GRK3: variants seen among roughly 807,000 people sequenced by gnomAD.
The protein encoded by GRK3 is adrenergic, beta, receptor kinase 2.
In GRK3, 54 loss-of-function variants were observed where a neutral mutation model predicts 95.7. The ratio of observed to expected loss-of-function variants is 0.56; its 90% confidence interval spans 0.45 to 0.71. The LOEUF is 0.71. Ranked by LOEUF, GRK3 falls within the 30% of genes least tolerant of loss-of-function variation. GRK3 has a pLI of 0.00. For missense variants in GRK3, 649 were observed against 851.2 expected (o/e 0.76, Z 2.96); for synonymous variants, 281 against 290.8 (o/e 0.97, Z 0.34).
chr22:25,576,478 T>C (rs1379974507), intron 1 of GRK3, among the ~76,000 whole-genome samples: 4 of 152,228 alleles, frequency 2.6e-5, no homozygotes, highest in Non-Finnish European at 4.4e-5. Context: ...CCTTTGCCAT[T>C]TCTTGGCCAT....
intron 1 of GRK3, among the ~76,000 whole-genome samples, chr22:25,588,131 T>A (rs1011987633): frequency 5.9e-5 from 9 of 152,210 alleles, no homozygotes; most frequent in Admixed American, 5.9e-4. Context: ...TAGTTTCAAG[T>A]ATAAAGGTTC....
At chr22:25,613,401 C>T (rs1012117961) in intron 2 of GRK3, among the ~76,000 whole-genome samples, 2 of 145,608 alleles carry the variant, frequency 1.4e-5, no homozygotes, top group Non-Finnish European at 3.0e-5. Context: ...CTATTCAATT[C>T]TGCATCCATT....
intron 18 of GRK3, among the ~76,000 whole-genome samples, chr22:25,717,235 G>A (rs1415976378): frequency 6.6e-6 from 1 of 151,988 alleles, no homozygotes; most frequent in Non-Finnish European, 1.5e-5. Context: ...TACTGATTTC[G>A]GTGTCTGCTG....
At chr22:25,668,523 A>G (rs555529006) in intron 6 of GRK3, among the ~76,000 whole-genome samples, 1 of 152,262 alleles carries the variant, frequency 6.6e-6, no homozygotes, top group Non-Finnish European at 1.5e-5. Flanking sequence ...TCACAGAACT[A>G]AAGCAATTAA....
rs142592476 is a variant in GRK3 at position 25,655,441 on chromosome 22, G to T, written c.265-6135G>T. ...AAAGCCTAGCTTTCTCTAAGGTCTA[G>T]CTCAATATGGAAAATTTCTACATTT... On this transcript the variant is annotated intron_variant, in intron 3 of 20. Transcript: ENST00000324198. 1.8e-3 allele frequency among the ~76,000 whole-genome samples: 272 copies of T among 152,268 alleles called. 2 individuals are homozygous for T. The highest frequency in any genetic ancestry group is 3.4e-3 in the Middle Eastern group (1 of 294).
intron 13 of GRK3, chr22:25,702,933 G>A (rs1003903442): frequency 2.2e-5 from 10 of 455,654 alleles, no homozygotes; most frequent in African/African-American, 1.0e-4. Flanking sequence ...CTCTGGAGTC[G>A]GGTTCTGCAC....
chr22:25,617,616 G>A (rs1202787460), intron 2 of GRK3, among the ~76,000 whole-genome samples: 3 of 152,138 alleles, frequency 2.0e-5, no homozygotes, highest in Non-Finnish European at 2.9e-5. Flanking sequence ...CCCCAGCCCT[G>A]GGCAGCCACT....
intron 16 of GRK3, among the ~76,000 whole-genome samples, chr22:25,710,829 C>T (rs1435980813): frequency 6.6e-6 from 1 of 152,184 alleles, no homozygotes; most frequent in East Asian, 1.9e-4. Context: ...TTATTGAAGG[C>T]TTTGGACATG....
At chr22:25,652,077 G>T (rs985169694) in intron 3 of GRK3, among the ~76,000 whole-genome samples, 5 of 152,188 alleles carry the variant, frequency 3.3e-5, no homozygotes, top group Non-Finnish European at 7.3e-5. Context: ...AACAAAAACT[G>T]AGGGATTTGT....
At chr22:25,681,170 T>G (rs1210727115) in intron 9 of GRK3, among the ~76,000 whole-genome samples, 1 of 152,194 alleles carries the variant, frequency 6.6e-6, no homozygotes, top group Non-Finnish European at 1.5e-5. Context: ...ATTTATTCCC[T>G]GAACCACAGT....
intron 10 of GRK3, among the ~76,000 whole-genome samples, chr22:25,686,696 T>G (rs1334119491): frequency 1.3e-5 from 2 of 152,206 alleles, no homozygotes; most frequent in African/African-American, 4.8e-5. Flanking sequence ...TCCAGCGTTT[T>G]ATTATGAAAA....
rs1221415781 is a variant in GRK3, at chr22:25,622,242, C to A, written c.190+17789C>A. On this transcript the variant is annotated intron_variant, in intron 2 of 20. Transcript: ENST00000324198. Reference sequence around the variant, plus strand: ...CTGGCAGAGAAGTGAGTTGGTAGAACCATGCAGCTTGTCGGTGTGCAGCAG... The same window carrying A: ...CTGGCAGAGAAGTGAGTTGGTAGAAACATGCAGCTTGTCGGTGTGCAGCAG... Among the ~76,000 whole-genome samples the A allele has an allele frequency of 2.6e-5, 4 of 152,134 alleles. No homozygotes were observed. In the East Asian group the frequency reaches 7.7e-4, roughly 29 times the overall value.
In GRK3 at chr22:25,708,128, T is replaced by A. The variant is rs112105917; in HGVS notation, c.1329-1770T>A. Among the ~76,000 whole-genome samples, 797 of 152,134 alleles carry A rather than the reference T, an allele frequency of 5.2e-3. 7 individuals carry two copies. The highest frequency in any genetic ancestry group is 0.019 in the African/African-American group (772 of 41,510). On this transcript the variant is annotated intron_variant, in intron 15 of 20. Transcript: ENST00000324198. Reference sequence around the variant, plus strand: ...CCGGGTGTGGTGGCACGCACCTGTATTCCCAGCTACTCAGAGGCTGAGGCA... The same window carrying A: ...CCGGGTGTGGTGGCACGCACCTGTAATCCCAGCTACTCAGAGGCTGAGGCA...
At chr22:25,566,599 T>C (rs1027243235) in intron 1 of GRK3, among the ~76,000 whole-genome samples, 3 of 152,170 alleles carry the variant, frequency 2.0e-5, no homozygotes, top group Non-Finnish European at 4.4e-5. Flanking sequence ...AGTGCAAACC[T>C]TTCTGCAATG....
At chr22:25,710,450 A>G (rs931188449) in intron 16 of GRK3, among the ~76,000 whole-genome samples, 1 of 152,232 alleles carries the variant, frequency 6.6e-6, no homozygotes, top group Non-Finnish European at 1.5e-5. Flanking sequence ...TTATATCAGC[A>G]TGATTTCCTT....
chr22:25,591,347 G>A (rs912389372), intron 1 of GRK3, among the ~76,000 whole-genome samples: 1 of 152,176 alleles, frequency 6.6e-6, no homozygotes, highest in Non-Finnish European at 1.5e-5. Flanking sequence ...CTCATGATGT[G>A]TTCACCTGGA....
At chr22:25,588,810 C>T (rs1419506988) in intron 1 of GRK3, among the ~76,000 whole-genome samples, 4 of 150,840 alleles carry the variant, frequency 2.7e-5, no homozygotes, top group Non-Finnish European at 4.4e-5. Context: ...GGTTTGTCGC[C>T]CAGGCTGGAG....
intron 13 of GRK3, 60 bp from the exon 14 acceptor site, chr22:25,703,450 G>A: frequency 7.6e-7 from 1 of 1,312,916 alleles, no homozygotes; most frequent in South Asian, 1.2e-5. Flanking sequence ...ATATTAGTCA[G>A]TGATATGTTC....
rs1212857115 is a variant in GRK3 at position 25,723,609 on chromosome 22, C to T, written c.*1159C>T. The T allele has an allele frequency of 6.6e-6, 1 of 152,102 alleles. No individual in the cohort carries two copies. Among genetic ancestry groups the T allele is most frequent in the East Asian group, 1.9e-4 (1 of 5,194 alleles). The allele number at this position is 152,102 out of a possible 1,614,324, so 9.4% of individuals were successfully genotyped here. On this transcript the variant is annotated 3_prime_UTR_variant, in exon 21 of 21. Coordinates refer to ENST00000324198, the MANE Select transcript of GRK3 (RefSeq NM_005160.4). ...TGAAGTTTGTTTTCTCCCACTGCCT[C>T]CAGGCCCCACTGATACCCCCAAATA...
Sources: allele counts gnomAD v4.1 joint callset (sites outside exome capture counted in the v4.1 genomes callset), GRCh38; gene constraint gnomAD v4.1.1; transcripts MANE v1.5; gene names NCBI Gene and HGNC (gene_info 2026-07-23, HGNC 2026-07-21).